The following EIF4B variants were observed in gnomAD, a reference collection of about 807,000 sequenced individuals.
The protein encoded by EIF4B is eukaryotic translation initiation factor 4B.
A neutral mutation model predicts 79.3 loss-of-function variants in EIF4B; 8 were observed. The observed-to-expected ratio is 0.10, with a 90% CI of 0.06 to 0.18. The LOEUF is 0.18. Ranked by LOEUF, EIF4B falls within the 10% of genes least tolerant of loss-of-function variation. The probability of loss-of-function intolerance (pLI) is 1.00; values close to 1 mark genes in which losing one functional copy is unlikely to be tolerated. For synonymous variants in EIF4B, 238 were observed against 274.7 expected (o/e 0.87, Z 1.32); for missense variants, 515 against 792.4 (o/e 0.65, Z 4.20).
chr12:53,018,771 T>C, intron 2 of EIF4B, 27 bp from the exon 3 acceptor site: 2 of 1,609,912 alleles, frequency 1.2e-6, no homozygotes, highest in South Asian at 2.2e-5. Context: ...TTTCTTCTAA[T>C]TTCTTACATT....
At chr12:53,023,735 C>T (rs1389596666) in intron 6 of EIF4B, among the ~76,000 whole-genome samples, 2 of 151,672 alleles carry the variant, frequency 1.3e-5, no homozygotes, top group East Asian at 1.9e-4. Context: ...AGGCATGTGC[C>T]ACCATGCCTG....
chr12:53,021,911 C>G (rs766556637), intron 5 of EIF4B, 51 bp downstream of exon 5: 2 of 1,603,292 alleles, frequency 1.2e-6, no homozygotes, highest in Admixed American at 3.4e-5. Flanking sequence ...AGGATGACAC[C>G]AAGCCATCCT....
chr12:53,027,746 GAAA>G (rs776952123), intron 6 of EIF4B, 33 bp from the exon 7 acceptor site: 1 of 1,596,468 alleles, frequency 6.3e-7, no homozygotes, highest in Admixed American at 1.7e-5. Context: ...TGGTGTCAGA[GAAA>G]AGGGGATGGT....
intron 6 of EIF4B, chr12:53,025,113 T>A: frequency 2.4e-6 from 1 of 412,858 alleles, no homozygotes; most frequent in Middle Eastern, 3.6e-4. Flanking sequence ...GAAGGATAAA[T>A]CAGCAAGTTT....
At chr12:53,007,751 G>A (rs987645700) in intron 1 of EIF4B, among the ~76,000 whole-genome samples, 1 of 152,142 alleles carries the variant, frequency 6.6e-6, no homozygotes, top group African/African-American at 2.4e-5. Context: ...GAAGCTAAGG[G>A]TTTTGGTTGG....
In EIF4B at chr12:53,037,630, A is replaced by G. The variant is rs1209219757; in HGVS notation, c.1520+8A>G. On this transcript the variant is annotated splice_region_variant and intron_variant, in intron 11 of 14. Transcript: ENST00000262056. ...GCAGCAGTCCCCTACAAGGTGAGTCAGTTTGGAAACAGTAGTTGGTTAACT... is the reference window on the plus strand; with the variant it reads ...GCAGCAGTCCCCTACAAGGTGAGTCGGTTTGGAAACAGTAGTTGGTTAACT... 2 of 1,613,644 alleles carry G rather than the reference A, an allele frequency of 1.2e-6. No homozygotes were observed. The highest frequency in any genetic ancestry group is 2.2e-5 in the South Asian group (2 of 91,044).
At chr12:53,009,310 G>A (rs1279535875) in intron 1 of EIF4B, among the ~76,000 whole-genome samples, 1 of 152,120 alleles carries the variant, frequency 6.6e-6, no homozygotes, top group Non-Finnish European at 1.5e-5. Context: ...AAACACCTGA[G>A]AACAGGAGTT....
chr12:53,007,365 C>T (rs1375583162), intron 1 of EIF4B, among the ~76,000 whole-genome samples: 1 of 148,148 alleles, frequency 6.8e-6, no homozygotes, highest in African/African-American at 2.5e-5. Context: ...TCAGGTTTCG[C>T]TTCCGGCGCT....
Position 53,020,017 on chromosome 12 carries a change from C to T in EIF4B, c.468C>T (p.Leu156=), listed in dbSNP as rs757531370. The stretch of plus-strand genomic sequence containing the variant: ...ATTCCCTGCTCAGTGCCCTGAGTCT[C>T]AATGAAGAGGTAAAGAAAATAAGAG... ...DLDSLLSALS[L]NEESLGNRRI... Residue 156 remains leucine (L), a synonymous_variant, in exon 4 of 15, where the codon CTC becomes CTT. Coordinates refer to ENST00000262056, the MANE Select transcript of EIF4B (RefSeq NM_001417.7). The T allele has an allele frequency of 1.2e-6, 2 of 1,605,822 alleles. No homozygotes were observed. Among genetic ancestry groups the T allele is most frequent in the South Asian group, 1.1e-5 (1 of 89,344 alleles).
intron 1 of EIF4B, among the ~76,000 whole-genome samples, chr12:53,014,112 C>G (rs990876734): frequency 6.6e-6 from 1 of 151,794 alleles, no homozygotes; most frequent in Middle Eastern, 3.4e-3. Flanking sequence ...CAGTGAGCCA[C>G]GATTGCACCA....
intron 8 of EIF4B, among the ~76,000 whole-genome samples, chr12:53,028,845 G>A (rs1252501992): frequency 6.6e-6 from 1 of 152,054 alleles, no homozygotes; most frequent in Admixed American, 6.6e-5. Context: ...AAGCATTAAG[G>A]CCAGGTGCAG....
At chr12:53,038,529 G>A (rs1192319086) in intron 12 of EIF4B, 118 bp downstream of exon 12, 3 of 989,300 alleles carry the variant, frequency 3.0e-6, no homozygotes, top group Admixed American at 6.4e-5. Context: ...AGAGTTCTTG[G>A]GTTGGCCAGG....
rs1942962371 is a variant in EIF4B at position 53,006,514 on chromosome 12, C to T, written c.13+18C>T. ...GGCCTCAGGTGAGCGAGCAGCCGAG[C>T]GCGGCCAAGGACTGGGCTCTGAAAC... On this transcript the variant is annotated intron_variant, in intron 1 of 14. Transcript: ENST00000262056. 8 of 1,613,524 alleles carry T rather than the reference C, an allele frequency of 5.0e-6. No individual in the cohort carries two copies. The East Asian group carries it at 1.6e-4, about 31-fold the overall frequency.
chr12:53,009,610 T>G (rs1049881348), intron 1 of EIF4B, among the ~76,000 whole-genome samples: 1 of 152,250 alleles, frequency 6.6e-6, no homozygotes, highest in Admixed American at 6.5e-5. Context: ...TCTTATTTGA[T>G]TATTTTTATA....
chr12:53,034,483 G>A (rs1943503158), intron 9 of EIF4B, 129 bp from the exon 10 acceptor site: 1 of 864,374 alleles, frequency 1.2e-6, no homozygotes, highest in Admixed American at 2.3e-5. Context: ...ATAGTTTGAG[G>A]GAAAGATAAA....
chr12:53,025,413 A>T lies in EIF4B; in HGVS notation c.668-2369A>T, dbSNP rs1307014625. 1.7e-4 allele frequency: 61 copies of T among 361,546 alleles called. No individual in the cohort carries two copies. In the Admixed American group the frequency reaches 2.1e-3, roughly 12 times the overall value. 22.4% of individuals were successfully genotyped at this position (361,546 alleles called of 1,614,324 possible). A position where few individuals can be genotyped will look rare whatever the true frequency, so the allele number is the denominator to read the frequency against. ...TAGTTAACCTGAATTAAAGATCCAGAGACTCCTGTCCCAAGCATTAGGCCA... is the reference window on the plus strand; with the variant it reads ...TAGTTAACCTGAATTAAAGATCCAGTGACTCCTGTCCCAAGCATTAGGCCA... On this transcript the variant is annotated intron_variant, in intron 6 of 14. Coordinates refer to ENST00000262056, the MANE Select transcript of EIF4B (RefSeq NM_001417.7).
intron 3 of EIF4B, among the ~76,000 whole-genome samples, chr12:53,019,448 TTC>T (rs1943208258): frequency 5.4e-5 from 6 of 110,650 alleles, no homozygotes; most frequent in African/African-American, 2.0e-4. Flanking sequence ...TTTTTTTTTT[TTC>T]TTTTTTTTTT....
chr12:53,022,222 C>G (rs1314865522), intron 5 of EIF4B: 1 of 680,042 alleles, frequency 1.5e-6, no homozygotes, highest in Non-Finnish European at 2.7e-6. Context: ...GCACGTTGGT[C>G]ACAAAGGGGA....
In EIF4B at chr12:53,040,332, A is replaced by G; in HGVS notation, c.*109A>G. ...CAAAATAAAACTCACCATCTCCTGAAGACCTTTCTTACCTTTTTTTAAAAA... is the reference window on the plus strand; with the variant it reads ...CAAAATAAAACTCACCATCTCCTGAGGACCTTTCTTACCTTTTTTTAAAAA... On this transcript the variant is annotated 3_prime_UTR_variant, in exon 15 of 15. Transcript: ENST00000262056. 1 of 1,143,026 alleles carries G rather than the reference A, an allele frequency of 8.7e-7. No individual in the cohort carries two copies. The highest frequency in any genetic ancestry group is 1.3e-6 in the Non-Finnish European group (1 of 799,740). 70.8% of individuals were successfully genotyped at this position (1,143,026 alleles called of 1,614,324 possible). A position where few individuals can be genotyped will look rare whatever the true frequency, so the allele number is the denominator to read the frequency against.
Sources: gnomAD v4.1 joint callset for allele counts (sites outside exome capture counted in the v4.1 genomes callset) on GRCh38, gnomAD v4.1.1 for gene constraint, MANE v1.5 for transcripts, NCBI Gene and HGNC (gene_info 2026-07-23, HGNC 2026-07-21) for gene names.